RBFOX2: variants seen among roughly 807,000 people sequenced by gnomAD.
RBFOX2 encodes RNA binding protein fox-1 homolog 2.
A neutral mutation model predicts 49.1 loss-of-function variants in RBFOX2; 10 were observed. The observed-to-expected ratio is 0.20, with a 90% confidence interval of 0.13 to 0.35. The LOEUF is 0.35. Among genes scored for constraint, RBFOX2 ranks in the 10% least tolerant of loss-of-function variants. RBFOX2 has a pLI of 1.00. For missense variants in RBFOX2, 323 were observed against 486.9 expected (o/e 0.66, Z 3.17); for synonymous variants, 183 against 187.4 (o/e 0.98, Z 0.19).
At chr22:35,977,085 C>T (rs377073356) in intron 1 of RBFOX2, among the ~76,000 whole-genome samples, 44 of 151,902 alleles carry the variant, frequency 2.9e-4, no homozygotes, top group East Asian at 2.9e-3. Flanking sequence ...ATGAAAGATG[C>T]TAAACATCAT....
At chr22:35,783,859 T>A (rs1438444010) in intron 2 of RBFOX2, among the ~76,000 whole-genome samples, 1 of 152,172 alleles carries the variant, frequency 6.6e-6, no homozygotes, top group Non-Finnish European at 1.5e-5. Context: ...CCCATGCCTG[T>A]AAGGAAGGCA....
intron 1 of RBFOX2, among the ~76,000 whole-genome samples, chr22:35,925,509 T>A (rs772667515): frequency 3.3e-5 from 5 of 151,954 alleles, no homozygotes; most frequent in Non-Finnish European, 5.9e-5. Context: ...CAGAGAGAGA[T>A]CCTGTCTCCA....
At chr22:36,007,865 A>C (rs928714260) in intron 1 of RBFOX2, among the ~76,000 whole-genome samples, 27 of 152,200 alleles carry the variant, frequency 1.8e-4, no homozygotes, top group Admixed American at 1.8e-3. Flanking sequence ...GCTACATGAT[A>C]TTCCACTGTA....
intron 1 of RBFOX2, among the ~76,000 whole-genome samples, chr22:35,850,989 T>C (rs1249752204): frequency 6.6e-6 from 1 of 152,180 alleles, no homozygotes; most frequent in Admixed American, 6.6e-5. Context: ...GCCAGTAATA[T>C]TGTAACATGC....
intron 1 of RBFOX2, among the ~76,000 whole-genome samples, chr22:35,900,687 C>G (rs957109608): frequency 1.1e-4 from 16 of 151,690 alleles, no homozygotes; most frequent in African/African-American, 3.9e-4. Context: ...CAATCTCTAA[C>G]AGAATTCTGC....
intron 1 of RBFOX2, among the ~76,000 whole-genome samples, chr22:35,982,518 AGCATGGTACAGG>A (rs1185985661): frequency 6.6e-6 from 1 of 152,118 alleles, no homozygotes; most frequent in African/African-American, 2.4e-5. Flanking sequence ...CTCAACAGCC[AGCATGGTACAGG>A]GCATACGGGC....
chr22:36,009,508 G>T (rs1374373659), intron 1 of RBFOX2, among the ~76,000 whole-genome samples: 2 of 152,028 alleles, frequency 1.3e-5, no homozygotes, highest in African/African-American at 4.8e-5. Context: ...CGAGTAGCTG[G>T]GACTACAGGC....
intron 1 of RBFOX2, among the ~76,000 whole-genome samples, chr22:36,019,197 T>C (rs1353664365): frequency 6.6e-6 from 1 of 151,944 alleles, no homozygotes; most frequent in Non-Finnish European, 1.5e-5. Flanking sequence ...GAAATCCACA[T>C]CCCCCCTGCA....
At chr22:35,824,228 T>C (rs954809031) in intron 1 of RBFOX2, 4 of 151,720 alleles carry the variant, frequency 2.6e-5, no homozygotes, top group Admixed American at 1.3e-4. Flanking sequence ...CCCAGCACTA[T>C]ATGCTAAACA....
intron 4 of RBFOX2, 30 bp downstream of exon 5, chr22:35,777,995 A>G: frequency 6.4e-7 from 1 of 1,574,362 alleles, no homozygotes; most frequent in Admixed American, 1.8e-5. Flanking sequence ...AAAAGAAATC[A>G]AGCACACTTG....
intron 9 of RBFOX2, among the ~76,000 whole-genome samples, chr22:35,754,469 GA>G (rs1336658042): frequency 6.6e-6 from 1 of 152,074 alleles, no homozygotes; most frequent in Non-Finnish European, 1.5e-5. Flanking sequence ...ACACATTAGA[GA>G]AAAAAACTTG....
At chr22:36,026,541 T>TACAGACATACACACACACACAC (rs5845246) in intron 1 of RBFOX2, among the ~76,000 whole-genome samples, 34 of 136,644 alleles carry the variant, frequency 2.5e-4, no homozygotes, top group African/African-American at 9.4e-4. Flanking sequence ...AATGAATACA[T>TACAGACATACACACACACACAC]ACACACACAC....
chr22:35,820,159 G>T (rs1396373692), intron 1 of RBFOX2, among the ~76,000 whole-genome samples: 1 of 152,146 alleles, frequency 6.6e-6, no homozygotes, highest in Non-Finnish European at 1.5e-5. Flanking sequence ...GCCACTGCAG[G>T]GAGGTTAGCT....
intron 6 of RBFOX2, among the ~76,000 whole-genome samples, chr22:35,763,888 T>C (rs1939869548): frequency 6.6e-6 from 1 of 152,198 alleles, no homozygotes; most frequent in Non-Finnish European, 1.5e-5. Context: ...ACGGAGTAAA[T>C]AAAGAGTCAA....
chr22:35,747,032 T>C (rs528245605), intron 9 of RBFOX2: 1 of 152,530 alleles, frequency 6.6e-6, no homozygotes, highest in African/African-American at 2.4e-5. Context: ...GACTACAGCA[T>C]GTAACAGAAA....
chr22:35,977,544 G>A (rs1382348785), intron 1 of RBFOX2, among the ~76,000 whole-genome samples: 1 of 151,826 alleles, frequency 6.6e-6, no homozygotes, highest in Non-Finnish European at 1.5e-5. Flanking sequence ...GCCAGTGGCT[G>A]CGGATGCGAA....
chr22:35,797,366 C>G (rs1948972316), intron 2 of RBFOX2, among the ~76,000 whole-genome samples: 1 of 152,152 alleles, frequency 6.6e-6, no homozygotes, highest in Admixed American at 6.5e-5. Context: ...CAGCTTGCAA[C>G]TCAATCACAC....
intron 2 of RBFOX2, among the ~76,000 whole-genome samples, chr22:35,782,638 G>C (rs1283114715): frequency 6.6e-6 from 1 of 152,100 alleles, no homozygotes; most frequent in Non-Finnish European, 1.5e-5. Context: ...TTCTTACTCT[G>C]AAACAAATCT....
upstream of RBFOX2, among the ~76,000 whole-genome samples, chr22:35,940,920 C>T (rs1165372512): frequency 3.3e-5 from 5 of 151,940 alleles, no homozygotes; most frequent in African/African-American, 7.3e-5. Flanking sequence ...CAGGGACTAG[C>T]GGGAAGAAAT....
Sources: gnomAD v4.1 joint callset for allele counts (sites outside exome capture counted in the v4.1 genomes callset) on GRCh38, gnomAD v4.1.1 for gene constraint, MANE v1.5 for transcripts, NCBI Gene and HGNC (gene_info 2026-07-23, HGNC 2026-07-21) for gene names.